Variants in CACNA1C observed in about 807,000 individuals in gnomAD.
The protein encoded by CACNA1C is voltage-dependent L-type calcium channel subunit alpha-1C.
CACNA1C carries 30 observed loss-of-function variants against 229.0 expected under a neutral mutation model. That is an observed-to-expected ratio of 0.13 (90% CI 0.10 to 0.18). CACNA1C has a LOEUF of 0.18. CACNA1C is among the 10% of genes least tolerant of loss of function. CACNA1C has a pLI of 1.00. For synonymous variants in CACNA1C, 1,114 were observed against 1,132.5 expected, an observed-to-expected ratio of 0.98 and a Z score of 0.33; for missense variants, 1,658 against 2,845.0, an observed-to-expected ratio of 0.58 and a Z score of 9.49.
intron 3 of CACNA1C, among the ~76,000 whole-genome samples, chr12:2,222,689 C>T (rs1185415226): frequency 3.3e-5 from 5 of 152,306 alleles, no homozygotes; most frequent in Admixed American, 1.3e-4. Context: ...GGCCAGCTCA[C>T]GTCTGATCCC....
chr12:2,240,777 T>C (rs929257194), intron 3 of CACNA1C, among the ~76,000 whole-genome samples: 2 of 151,990 alleles, frequency 1.3e-5, no homozygotes, highest in African/African-American at 4.8e-5. Flanking sequence ...CCACCTCTCT[T>C]TTGGCCATTT....
Position 2,682,550 on chromosome 12 carries a change from G to A in CACNA1C, c.5445G>A (p.Arg1815=), listed in dbSNP as rs1488723696. 2 of 1,611,708 alleles carry A rather than the reference G, an allele frequency of 1.2e-6. No individual in the cohort carries two copies. The highest frequency in any genetic ancestry group is 1.7e-6 in the Non-Finnish European group (2 of 1,179,216). Residue 1815 remains arginine, a splice_region_variant and synonymous_variant, in exon 43 of 47, where the codon AGG becomes AGA. Coordinates refer to ENST00000399655, the MANE Select transcript of CACNA1C (RefSeq NM_000719.7). ...QEVAWKLSSN[R]CHSRESQAAM... ...TTTTTCTTCATCTTGGATATTGTAG[G>A]TGCCACTCCCGGGAGAGCCAGGCAG...
intron 1 of CACNA1C, among the ~76,000 whole-genome samples, chr12:1,993,760 G>A (rs1305603641): frequency 6.6e-6 from 1 of 151,942 alleles, no homozygotes; most frequent in African/African-American, 2.4e-5. Flanking sequence ...CTTTTTAAAA[G>A]TTAAATTAAT....
At chr12:2,025,909 C>T (rs1176841997) in intron 1 of CACNA1C, among the ~76,000 whole-genome samples, 3 of 152,086 alleles carry the variant, frequency 2.0e-5, no homozygotes, top group Non-Finnish European at 1.5e-5. Context: ...AATAATTCCC[C>T]TGTGTAGCAC....
At position 2,418,232 on chromosome 12, in the gene CACNA1C, C is replaced by T. The variant is rs139539889; in HGVS notation, c.478-30744C>T. Among the ~76,000 whole-genome samples, 3 of 152,290 alleles carry T rather than the reference C, an allele frequency of 2.0e-5. No homozygotes were observed. The East Asian group carries it at 5.8e-4, about 29-fold the overall frequency. On this transcript the variant is annotated intron_variant, in intron 3 of 46. Coordinates refer to ENST00000399655, the MANE Select transcript of CACNA1C (RefSeq NM_000719.7). The stretch of plus-strand genomic sequence containing the variant: ...GCCTTTGATTTTGGAGCCTCTGCTG[C>T]CCCACAGTGCTCCCCACCTCCCACC...
intron 9 of CACNA1C, among the ~76,000 whole-genome samples, chr12:2,536,483 G>A (rs950977481): frequency 1.3e-5 from 2 of 152,116 alleles, no homozygotes; most frequent in African/African-American, 2.4e-5. Context: ...CTGCCTCTGC[G>A]ACTCTGGACA....
intron 1 of CACNA1C, chr12:1,998,072 T>C: frequency 9.6e-7 from 1 of 1,044,502 alleles, no homozygotes; most frequent in Non-Finnish European, 1.4e-6. Flanking sequence ...ATATATAACT[T>C]CAATGGGCCA....
At chr12:2,378,927 G>A (rs111240580) in intron 3 of CACNA1C, among the ~76,000 whole-genome samples, 3,650 of 151,836 alleles carry the variant, frequency 0.024, 140 homozygotes, top group African/African-American at 0.084. Context: ...CATGTTTACT[G>A]CACAAATTTA....
At chr12:2,366,797 A>T (rs1433881790) in intron 3 of CACNA1C, among the ~76,000 whole-genome samples, 7 of 152,226 alleles carry the variant, frequency 4.6e-5, no homozygotes, top group African/African-American at 1.7e-4. Flanking sequence ...CTGTACAGGA[A>T]GCATGGCCTG....
Position 2,289,615 on chromosome 12 carries a change from G to A in CACNA1C, c.478-159361G>A, listed in dbSNP as rs754943942. Among the ~76,000 whole-genome samples the A allele has an allele frequency of 5.9e-5, 9 of 152,038 alleles. No individual in the cohort carries two copies. The South Asian group carries it at 1.3e-3, about 21-fold the overall frequency. ...TGGTACTAGGGACTGGGGATACAGC[G>A]GTGGGTGAGATAAAGGCACGACGCC... On this transcript the variant is annotated intron_variant, in intron 3 of 46. Transcript: ENST00000399655.
intron 13 of CACNA1C, among the ~76,000 whole-genome samples, chr12:2,574,511 T>G (rs763854886): frequency 1.3e-5 from 2 of 152,172 alleles, no homozygotes; most frequent in Non-Finnish European, 2.9e-5. Flanking sequence ...CTGCTGCTCC[T>G]CCCCTGCAGC....
chr12:2,092,683 CT>C lies in CACNA1C; in HGVS notation c.50-22539del, dbSNP rs1263587573. 2.0e-5 allele frequency among the ~76,000 whole-genome samples: 3 copies of C among 152,248 alleles called. No individual in the cohort carries two copies. In the East Asian group the frequency reaches 5.8e-4, roughly 29 times the overall value. On this transcript the variant is annotated intron_variant, in intron 1 of 46. Coordinates refer to ENST00000399655, the MANE Select transcript of CACNA1C (RefSeq NM_000719.7). The stretch of plus-strand genomic sequence containing the variant: ...CTTCCAACTCAAGGGAGAATGTTGA[CT>C]TGAAATAGTTAACCTTTAGTAAGCA...
intron 9 of CACNA1C, among the ~76,000 whole-genome samples, chr12:2,544,868 G>T (rs2099878147): frequency 6.6e-6 from 1 of 152,216 alleles, no homozygotes; most frequent in African/African-American, 2.4e-5. Flanking sequence ...CATTGTTGTG[G>T]AAAAGAATTG....
rs2032300195 is a variant in CACNA1C, at chr12:1,971,598, T to C, written c.139+397T>C. Among the ~76,000 whole-genome samples, 2 of 152,354 alleles carry C rather than the reference T, an allele frequency of 1.3e-5. No individual in the cohort carries two copies. The highest frequency in any genetic ancestry group is 4.1e-4 in the South Asian group (2 of 4,834). On this transcript the variant is annotated intron_variant, in intron 1 of 46. Transcript: ENST00000682462. This position sits in a 1 kb window ranked among gnomAD's most constrained non-coding sequence, Gnocchi z 4.2. ...AGCTGATTATATTCAGTAGTGGTAT[T>C]TTCTTTTTAAATTTCTTCAGTGGAA... is the stretch of plus-strand genomic sequence containing the variant.
chr12:2,280,161 C>T (rs1466826306), intron 3 of CACNA1C, among the ~76,000 whole-genome samples: 4 of 149,336 alleles, frequency 2.7e-5, no homozygotes, highest in Non-Finnish European at 5.9e-5. Flanking sequence ...TGCTGTGCTT[C>T]GGTTTAACCT....
At chr12:2,445,603 A>G (rs2099269949) in intron 3 of CACNA1C, among the ~76,000 whole-genome samples, 1 of 152,114 alleles carries the variant, frequency 6.6e-6, no homozygotes, top group Non-Finnish European at 1.5e-5. Context: ...CTTCCATCTC[A>G]AAAAGAGATA....
chr12:2,412,258 C>T (rs2098816318), intron 3 of CACNA1C, among the ~76,000 whole-genome samples: 1 of 152,222 alleles, frequency 6.6e-6, no homozygotes, highest in South Asian at 2.1e-4. Flanking sequence ...CGTCCTTCCA[C>T]AGCACACACC....
At chr12:2,547,504 G>A (rs1456560599) in intron 9 of CACNA1C, 1 of 779,652 alleles carries the variant, frequency 1.3e-6, no homozygotes, top group Non-Finnish European at 2.4e-6. Context: ...GCTTGGTTTA[G>A]TCACTCCACA....
chr12:2,453,684 C>T (rs1351631783), intron 4 of CACNA1C, among the ~76,000 whole-genome samples: 2 of 152,160 alleles, frequency 1.3e-5, no homozygotes, highest in Non-Finnish European at 2.9e-5. Context: ...GCTGCAGAAA[C>T]CTTCCCACTG....
Sources: gnomAD v4.1 joint callset for allele counts (sites outside exome capture counted in the v4.1 genomes callset) on GRCh38, gnomAD v4.1.1 for gene constraint, Gnocchi (gnomAD v3.1) non-coding constraint, MANE v1.5 for transcripts, NCBI Gene and HGNC (gene_info 2026-07-23, HGNC 2026-07-21) for gene names.